The following USP10 variants were observed in gnomAD, a reference collection of about 807,000 sequenced individuals.
USP10 encodes ubiquitin specific peptidase 10, also known as ubiquitin carboxyl-terminal hydrolase 10.
Under a neutral mutation model 84.5 loss-of-function variants are expected in USP10, and 22 were observed. That is an observed-to-expected ratio of 0.26 (90% CI 0.19 to 0.37). The LOEUF (loss-of-function observed/expected upper bound fraction) is 0.37, where lower values mean the gene tolerates loss of function less well. USP10 is among the 10% of genes least tolerant of loss of function. USP10 has a pLI of 1.00. For missense variants in USP10, 1,019 were observed against 998.9 expected, an observed-to-expected ratio of 1.02 and a Z score of -0.27; for synonymous variants, 454 against 387.6, an observed-to-expected ratio of 1.17 and a Z score of -2.01.
At chr16:84,773,438 C>G (rs1434888493) in intron 12 of USP10, among the ~76,000 whole-genome samples, 1 of 152,102 alleles carries the variant, frequency 6.6e-6, no homozygotes, top group East Asian at 1.9e-4. Context: ...CACAGCAACC[C>G]CACCTCATAC....
intron 1 of USP10, among the ~76,000 whole-genome samples, chr16:84,731,201 G>T (rs574700820): frequency 6.6e-6 from 1 of 151,192 alleles, no homozygotes; most frequent in South Asian, 2.1e-4. Context: ...GGATGGTCTC[G>T]ATCTTCTGAC....
intron 4 of USP10, among the ~76,000 whole-genome samples, chr16:84,751,876 A>T (rs1481383199): frequency 6.6e-6 from 1 of 152,208 alleles, no homozygotes; most frequent in Non-Finnish European, 1.5e-5. Context: ...TTAGGAAAAC[A>T]GAATTTGATG....
chr16:84,715,466 T>A (rs1906889298), intron 1 of USP10, among the ~76,000 whole-genome samples: 1 of 152,008 alleles, frequency 6.6e-6, no homozygotes, highest in Non-Finnish European at 1.5e-5. Flanking sequence ...AATGAGCTAG[T>A]CTTGAGAAGG....
At position 84,733,508 on chromosome 16, in the gene USP10, G is replaced by A; in HGVS notation, c.90+5G>A. ...ACTCCTCGATCTTCAGTTGAGGTAA[G>A]ACAAAACTTTGTTTTAGTGAGTCCG... On this transcript the variant is annotated splice_donor_5th_base_variant and intron_variant, in intron 2 of 13. Coordinates refer to ENST00000219473, the MANE Select transcript of USP10 (RefSeq NM_005153.3). The A allele has an allele frequency of 6.2e-7, 1 of 1,605,712 alleles. No homozygotes were observed. Among genetic ancestry groups the A allele is most frequent in the Non-Finnish European group, 8.5e-7 (1 of 1,176,626 alleles).
Position 84,745,317 on chromosome 16 carries a change from C to G in USP10, c.836C>G (p.Thr279Ser). Residue 279 changes from threonine to serine, a missense_variant, in exon 4 of 14, where the codon ACT becomes AGT. This residue lies in a region of USP10 where 787 missense variants were observed against 708.8 expected (regional missense o/e 1.11). Coordinates refer to ENST00000219473, the MANE Select transcript of USP10 (RefSeq NM_005153.3). ...CAGCCCTGCGTTGGTACCGATACTACTGAAAACCTTGGAGTTGCTAATGGA... is the reference window on the plus strand; with the variant it reads ...CAGCCCTGCGTTGGTACCGATACTAGTGAAAACCTTGGAGTTGCTAATGGA... ...GAQPCVGTDT[T>S]ENLGVANGQI... The G allele has an allele frequency of 6.2e-7, 1 of 1,613,124 alleles. No homozygotes were observed. The highest frequency in any genetic ancestry group is 1.3e-5 in the African/African-American group (1 of 75,046).
chr16:84,713,530 C>T (rs945734683), intron 1 of USP10, among the ~76,000 whole-genome samples: 1 of 152,282 alleles, frequency 6.6e-6, no homozygotes, highest in East Asian at 1.9e-4. Context: ...CTTGAGGCCC[C>T]AATGTAAGCT....
rs779206848 is a variant in USP10 at position 84,745,221 on chromosome 16, G to A, written c.740G>A (p.Gly247Glu). 6.2e-7 allele frequency: 1 copy of A among 1,613,240 alleles called. No homozygotes were observed. Among genetic ancestry groups the A allele is most frequent in the Admixed American group, 1.7e-5 (1 of 59,992 alleles). Residue 247 changes from glycine (G) to glutamate (E), a missense_variant, in exon 4 of 14, where the codon GGG becomes GAG. Gly to Glu is a moderately conservative substitution (Grantham distance 98). Around this residue, in one of 2 missense-constraint regions of USP10, gnomAD observed 787 missense variants for 708.8 expected, o/e 1.11. Coordinates refer to ENST00000219473, the MANE Select transcript of USP10 (RefSeq NM_005153.3). Reference sequence around the variant, plus strand: ...GCAGGGCAGCCAGAGGGGGGCCCCGGGGCTGATTTTGGTCAGTCCTGCTTC... The same window carrying A: ...GCAGGGCAGCCAGAGGGGGGCCCCGAGGCTGATTTTGGTCAGTCCTGCTTC... ...RTAGQPEGGP[G>E]ADFGQSCFPA... is the part of the protein sequence containing the mutation.
At chr16:84,719,084 G>A (rs980272138) in intron 1 of USP10, among the ~76,000 whole-genome samples, 25 of 151,982 alleles carry the variant, frequency 1.6e-4, no homozygotes, top group African/African-American at 5.3e-4. Context: ...GAGCCACCGC[G>A]CCCGGCCAGT....
intron 12 of USP10, among the ~76,000 whole-genome samples, chr16:84,773,080 T>G (rs1914621210): frequency 6.6e-6 from 1 of 151,960 alleles, no homozygotes; most frequent in Non-Finnish European, 1.5e-5. Context: ...GCAGTGAGAG[T>G]CCCTTCTAAC....
chr16:84,706,536 A>T (rs959403369), intron 1 of USP10, among the ~76,000 whole-genome samples: 10 of 147,626 alleles, frequency 6.8e-5, no homozygotes, highest in South Asian at 6.3e-4. Flanking sequence ...ATTTATATAT[A>T]TTTTTATATA....
At chr16:84,765,323 C>A (rs1913731201) in intron 10 of USP10, among the ~76,000 whole-genome samples, 1 of 151,658 alleles carries the variant, frequency 6.6e-6, no homozygotes, top group Non-Finnish European at 1.5e-5. Context: ...GTCCCAAATA[C>A]AGTGCACTAT....
intron 1 of USP10, among the ~76,000 whole-genome samples, chr16:84,701,675 T>A (rs1268853020): frequency 6.6e-6 from 1 of 152,222 alleles, no homozygotes; most frequent in Non-Finnish European, 1.5e-5. Context: ...CAAGGTTGAT[T>A]GAAATGTTAA....
intron 1 of USP10, among the ~76,000 whole-genome samples, chr16:84,714,508 T>C (rs903412028): frequency 1.3e-5 from 2 of 152,100 alleles, no homozygotes; most frequent in Non-Finnish European, 2.9e-5. Context: ...TTGTTGAATG[T>C]TTTTCCATTA....
At chr16:84,704,757 C>T in intron 1 of USP10, 1 of 1,534,168 alleles carries the variant, frequency 6.5e-7, no homozygotes, top group Non-Finnish European at 8.7e-7. Flanking sequence ...GCCATGATCC[C>T]ATTTTCATCA....
At chr16:84,769,151 G>A (rs537706063) in intron 11 of USP10, among the ~76,000 whole-genome samples, 1 of 152,300 alleles carries the variant, frequency 6.6e-6, no homozygotes, top group South Asian at 2.1e-4. Context: ...TTCCTGCAAA[G>A]CGATATTTGA....
At chr16:84,729,382 C>G (rs1173473981) in intron 1 of USP10, among the ~76,000 whole-genome samples, 1 of 152,140 alleles carries the variant, frequency 6.6e-6, no homozygotes, top group Admixed American at 6.5e-5. Context: ...GATGACTTGT[C>G]TTTTACTGAC....
intron 1 of USP10, among the ~76,000 whole-genome samples, chr16:84,709,743 G>A (rs185517293): frequency 1.2e-4 from 18 of 152,238 alleles, no homozygotes; most frequent in Admixed American, 1.1e-3. Context: ...CTTGTAGAAC[G>A]GTGACATTTG....
chr16:84,771,352 G>C (rs750321980), intron 11 of USP10, among the ~76,000 whole-genome samples: 4 of 152,232 alleles, frequency 2.6e-5, no homozygotes, highest in Non-Finnish European at 4.4e-5. Flanking sequence ...AGGAGTTCAA[G>C]ACCAGCTGGG....
At chr16:84,741,087 T>C (rs551310589) in intron 3 of USP10, among the ~76,000 whole-genome samples, 1 of 152,372 alleles carries the variant, frequency 6.6e-6, no homozygotes, top group African/African-American at 2.4e-5. Context: ...CCAAACTTTT[T>C]CTTTGAGAGT....
Sources: gnomAD v4.1 joint callset for allele counts (sites outside exome capture counted in the v4.1 genomes callset) on GRCh38, gnomAD v4.1.1 for gene constraint, gnomAD v4.1.1 regional missense constraint, MANE v1.5 for transcripts, NCBI Gene and HGNC (gene_info 2026-07-23, HGNC 2026-07-21) for gene names.